Variants in TRDN observed in about 807,000 individuals in gnomAD.
TRDN encodes triadin in skeletal muscle.
Under a neutral mutation model 149.7 loss-of-function variants are expected in TRDN, and 161 were observed. The ratio of observed to expected loss-of-function variants is 1.08; its 90% CI spans 0.95 to 1.23. The LOEUF (loss-of-function observed/expected upper bound fraction) is 1.23. TRDN is among the 50% of genes most tolerant of loss of function. The pLI is 0.00. For missense variants in TRDN, 896 were observed against 823.5 expected (o/e 1.09, Z -1.08); for synonymous variants, 294 against 250.5 (o/e 1.17, Z -1.64).
intron 10 of TRDN, chr6:123,441,016 A>G (rs185759090): frequency 9.4e-4 from 143 of 152,248 alleles, no homozygotes; most frequent in African/African-American, 3.3e-3. Context: ...GTCCTTTAAT[A>G]ACATTTTTAT....
In TRDN at chr6:123,360,575, G is replaced by A. The variant is rs568094484; in HGVS notation, c.1321+5560C>T. 3.9e-5 allele frequency among the ~76,000 whole-genome samples: 6 copies of A among 152,280 alleles called. No homozygotes were observed. The South Asian group carries it at 1.2e-3, about 32-fold the overall frequency. On this transcript the variant is annotated intron_variant, in intron 20 of 40. Coordinates refer to ENST00000334268, the MANE Select transcript of TRDN (RefSeq NM_006073.4). ...AATGATGATGTCATCAGCATTGGCTGGAGCTTCAGTGGCATGGTAGGGACA... is the reference window on the plus strand; with the variant it reads ...AATGATGATGTCATCAGCATTGGCTAGAGCTTCAGTGGCATGGTAGGGACA...
intron 12 of TRDN, among the ~76,000 whole-genome samples, chr6:123,425,826 T>A (rs537499011): frequency 6.6e-6 from 1 of 152,174 alleles, no homozygotes; most frequent in Non-Finnish European, 1.5e-5. Context: ...GGCAGCAACC[T>A]GAGAAGGATG....
Position 123,548,526 on chromosome 6 carries a change from A to G in TRDN, c.319T>C (p.Phe107Leu). The G allele has an allele frequency of 6.3e-7, 1 of 1,579,320 alleles. No individual in the cohort carries two copies. The highest frequency in any genetic ancestry group is 8.6e-7 in the Non-Finnish European group (1 of 1,161,006). Residue 107 changes from phenylalanine (F) to leucine (L), a missense_variant, in exon 3 of 41, where the codon TTT becomes CTT. Phe to Leu is a conservative substitution (Grantham distance 22, BLOSUM62 0). Transcript: ENST00000334268. Reference protein sequence around the residue: ...EETTDWIYGFFSLLSDIISSE... With the variant: ...EETTDWIYGFLSLLSDIISSE... Reference sequence around the variant, plus strand: ...GAGATGATGTCAGATAACAAAGAAAAGAAGCCATAGATCCAGTCCGTGGTT... The same window carrying G: ...GAGATGATGTCAGATAACAAAGAAAGGAAGCCATAGATCCAGTCCGTGGTT...
At chr6:123,471,604 T>C (rs901789907) in intron 9 of TRDN, 4 of 152,236 alleles carry the variant, frequency 2.6e-5, no homozygotes, top group Non-Finnish European at 4.4e-5. Flanking sequence ...GGCCAAAATG[T>C]TTCCACTGGA....
chr6:123,472,428 C>T (rs1465347371), intron 9 of TRDN, among the ~76,000 whole-genome samples: 1 of 152,214 alleles, frequency 6.6e-6, no homozygotes, highest in Admixed American at 6.5e-5. Flanking sequence ...CTCGGAGGGT[C>T]CTACGCCCAC....
rs538133910 is a variant in TRDN at position 123,316,368 on chromosome 6, T to A, written c.1510+89A>T. The A allele has an allele frequency of 1.6e-4, 205 of 1,259,144 alleles. No homozygotes were observed. The African/African-American group carries it at 2.8e-3, about 17-fold the overall frequency. The allele number at this position is 1,259,144 out of a possible 1,614,324, so 78.0% of individuals were successfully genotyped here. ...ATGTTTTGGATGTCTAAATATTTTA[T>A]CCAGCCAGGATTGTAAAACTGTAAA... On this transcript the variant is annotated intron_variant, in intron 24 of 40. Transcript: ENST00000334268.
intron 14 of TRDN, among the ~76,000 whole-genome samples, chr6:123,383,807 T>C (rs1018845334): frequency 2.0e-5 from 3 of 152,156 alleles, no homozygotes; most frequent in Non-Finnish European, 2.9e-5. Context: ...TTTTATTACC[T>C]CTCTTTCTGA....
At chr6:123,442,481 G>A (rs1351161963) in intron 10 of TRDN, among the ~76,000 whole-genome samples, 2 of 112,378 alleles carry the variant, frequency 1.8e-5, no homozygotes, top group Non-Finnish European at 3.5e-5. Flanking sequence ...TGGAGGCGGA[G>A]CTTGCAGTGA....
At chr6:123,555,559 G>T (rs143007878) in intron 2 of TRDN, among the ~76,000 whole-genome samples, 350 of 151,950 alleles carry the variant, frequency 2.3e-3, no homozygotes, top group African/African-American at 7.7e-3. Flanking sequence ...GGCTATATTT[G>T]TATATATTGC....
At chr6:123,401,634 G>A (rs1461797873) in intron 12 of TRDN, among the ~76,000 whole-genome samples, 29 of 152,002 alleles carry the variant, frequency 1.9e-4, no homozygotes, top group Admixed American at 1.9e-3. Context: ...AATTTTTAAG[G>A]AGGCAGGATA....
At chr6:123,396,765 A>G (rs1772748914) in intron 12 of TRDN, among the ~76,000 whole-genome samples, 1 of 152,234 alleles carries the variant, frequency 6.6e-6, no homozygotes, top group Middle Eastern at 3.2e-3. Context: ...GTCTGCAAAC[A>G]TTTTGTTAAA....
chr6:123,573,954 G>T (rs1782700196), intron 1 of TRDN, among the ~76,000 whole-genome samples: 1 of 151,848 alleles, frequency 6.6e-6, no homozygotes, highest in African/African-American at 2.4e-5. Flanking sequence ...TACTCTTCTG[G>T]TTTCTTTAGT....
chr6:123,545,622 C>A (rs1270338735), intron 4 of TRDN, among the ~76,000 whole-genome samples: 2 of 151,768 alleles, frequency 1.3e-5, no homozygotes, highest in South Asian at 4.1e-4. Context: ...AAAGTCAATT[C>A]TCCTAATTCT....
At chr6:123,330,250 C>T (rs1425018082) in intron 23 of TRDN, among the ~76,000 whole-genome samples, 1 of 152,060 alleles carries the variant, frequency 6.6e-6, no homozygotes, top group East Asian at 1.9e-4. Context: ...GATTAAATTA[C>T]TTAATGGTAT....
chr6:123,560,070 T>C (rs1297933377), intron 2 of TRDN, among the ~76,000 whole-genome samples: 1 of 152,226 alleles, frequency 6.6e-6, no homozygotes, highest in Non-Finnish European at 1.5e-5. Flanking sequence ...GTAGCCTTTC[T>C]GTCCAAACAA....
At chr6:123,253,839 T>C (rs896088709) in intron 37 of TRDN, among the ~76,000 whole-genome samples, 3 of 152,090 alleles carry the variant, frequency 2.0e-5, no homozygotes, top group African/African-American at 7.2e-5. Flanking sequence ...ATCACTCCCT[T>C]GGGGGCAAAT....
intron 7 of TRDN, among the ~76,000 whole-genome samples, chr6:123,504,685 T>A (rs1196234849): frequency 6.6e-6 from 1 of 152,148 alleles, no homozygotes; most frequent in Non-Finnish European, 1.5e-5. Context: ...ACATATATTC[T>A]TAATTTGATA....
chr6:123,453,247 T>C (rs895199077), intron 10 of TRDN, among the ~76,000 whole-genome samples: 12 of 152,116 alleles, frequency 7.9e-5, no homozygotes, highest in African/African-American at 2.9e-4. Context: ...AAAACAAAGA[T>C]AAATAGCTGG....
intron 4 of TRDN, among the ~76,000 whole-genome samples, chr6:123,542,474 G>T (rs1224681804): frequency 2.0e-5 from 3 of 152,098 alleles, no homozygotes; most frequent in East Asian, 1.9e-4. Flanking sequence ...GTCAGGAAAA[G>T]ACATTACAAA....
Sources: gnomAD v4.1 joint callset for allele counts (sites outside exome capture counted in the v4.1 genomes callset) on GRCh38, gnomAD v4.1.1 for gene constraint, MANE v1.5 for transcripts, NCBI Gene and HGNC (gene_info 2026-07-23, HGNC 2026-07-21) for gene names.